Variants in ARHGAP22 observed in about 807,000 individuals in gnomAD.
The protein encoded by ARHGAP22 is rho GTPase-activating protein 22.
In ARHGAP22, 48 loss-of-function variants were observed where a neutral mutation model predicts 59.1. The observed-to-expected ratio is 0.81, with a 90% confidence interval of 0.64 to 1.03. The LOEUF is 1.03. Ranked by LOEUF, ARHGAP22 falls within the 50% of genes least tolerant of loss-of-function variation. ARHGAP22 has a pLI of 0.00. For missense variants in ARHGAP22, 1,015 were observed against 958.7 expected (o/e 1.06, Z -0.78); for synonymous variants, 445 against 416.4 (o/e 1.07, Z -0.84).
chr10:48,478,834 C>T (rs2048987614), intron 4 of ARHGAP22, among the ~76,000 whole-genome samples: 1 of 152,196 alleles, frequency 6.6e-6, no homozygotes, highest in Non-Finnish European at 1.5e-5. Context: ...CCATCAGCTG[C>T]ATGCCCACCC....
chr10:48,494,878 C>T (rs1221093844), intron 3 of ARHGAP22, among the ~76,000 whole-genome samples: 1 of 152,226 alleles, frequency 6.6e-6, no homozygotes, highest in Non-Finnish European at 1.5e-5. Flanking sequence ...AGAAACTTTG[C>T]ATTCTCTCAG....
At chr10:48,599,061 T>C (rs1445817436) in intron 1 of ARHGAP22, among the ~76,000 whole-genome samples, 4 of 152,164 alleles carry the variant, frequency 2.6e-5, no homozygotes, top group African/African-American at 2.4e-5. Flanking sequence ...TGGGAATCTT[T>C]TGAGGATGAA....
upstream of ARHGAP22, among the ~76,000 whole-genome samples, chr10:48,654,879 C>T (rs1338163909): frequency 7.1e-6 from 1 of 141,694 alleles, no homozygotes; most frequent in Non-Finnish European, 1.5e-5. Context: ...TTCTTTCTTT[C>T]TTTCTCTTTC....
chr10:48,594,922 T>G, intron 1 of ARHGAP22, among the ~76,000 whole-genome samples: 1 of 149,656 alleles, frequency 6.7e-6, no homozygotes, highest in Non-Finnish European at 1.5e-5. Context: ...AGGGTCTCGT[T>G]AATAGATTAC....
chr10:48,603,179 A>T (rs2060484780), intron 1 of ARHGAP22, among the ~76,000 whole-genome samples: 1 of 152,240 alleles, frequency 6.6e-6, no homozygotes, highest in Admixed American at 6.5e-5. Flanking sequence ...AGTGGGGCAA[A>T]TTGCTCCTGG....
chr10:48,605,413 G>A (rs1056827117), upstream of ARHGAP22, among the ~76,000 whole-genome samples: 2 of 150,910 alleles, frequency 1.3e-5, no homozygotes, highest in Admixed American at 6.8e-5. Flanking sequence ...GGTGTGTCTG[G>A]GAAGGAGCAA....
chr10:48,460,840 T>C (rs967176381), intron 4 of ARHGAP22, among the ~76,000 whole-genome samples: 2 of 152,172 alleles, frequency 1.3e-5, no homozygotes, highest in African/African-American at 4.8e-5. Context: ...AGTGATAAAA[T>C]ATGGGTGAAC....
At chr10:48,612,778 T>C (rs1343332192) in intron 1 of ARHGAP22, among the ~76,000 whole-genome samples, 2 of 152,184 alleles carry the variant, frequency 1.3e-5, no homozygotes, top group African/African-American at 2.4e-5. Flanking sequence ...TCTGCCATGT[T>C]CCCCATTCCT....
chr10:48,431,665 C>T, the ARHGAP22 span, among the ~76,000 whole-genome samples: 1 of 152,156 alleles, frequency 6.6e-6, no homozygotes, highest in Non-Finnish European at 1.5e-5. Flanking sequence ...CTGTCTTTCT[C>T]TTTTTGATAT....
At chr10:48,461,580 T>C (rs2047138548) in intron 4 of ARHGAP22, among the ~76,000 whole-genome samples, 1 of 152,190 alleles carries the variant, frequency 6.6e-6, no homozygotes, top group Non-Finnish European at 1.5e-5. Context: ...AGAAAATCTA[T>C]GAAAACTAAA....
At chr10:48,577,081 T>A (rs1040055965) in intron 2 of ARHGAP22, among the ~76,000 whole-genome samples, 1 of 152,152 alleles carries the variant, frequency 6.6e-6, no homozygotes, top group East Asian at 1.9e-4. Flanking sequence ...CTAAAACTCC[T>A]TCTATTCGGA....
At chr10:48,571,347 G>A (rs2058381110) in intron 2 of ARHGAP22, among the ~76,000 whole-genome samples, 1 of 152,182 alleles carries the variant, frequency 6.6e-6, no homozygotes, top group Non-Finnish European at 1.5e-5. Context: ...CTGCCCCTTA[G>A]CAAGATTTCT....
chr10:48,655,019 TTTCTTTCTTTCA>T (rs753121661), upstream of ARHGAP22, among the ~76,000 whole-genome samples: 3,636 of 70,582 alleles, frequency 0.052, 662 homozygotes, highest in Non-Finnish European at 0.08. Context: ...TCTTTCTTTC[TTTCTTTCTTTCA>T]TTCTTTCTTT....
upstream of ARHGAP22, chr10:48,605,084 G>GGGGCAGTCCCTCCGCC: frequency 7.5e-7 from 1 of 1,335,644 alleles, no homozygotes; most frequent in Non-Finnish European, 9.6e-7. Context: ...GGACCAGGGC[G>GGGGCAGTCCCTCCGCC]GGGCAGTCCC....
intron 1 of ARHGAP22, among the ~76,000 whole-genome samples, chr10:48,616,915 C>T (rs2061102121): frequency 1.3e-5 from 2 of 151,858 alleles, no homozygotes; most frequent in African/African-American, 4.8e-5. Flanking sequence ...TTAAGATGAC[C>T]ATATAGGCAA....
intron 3 of ARHGAP22, among the ~76,000 whole-genome samples, chr10:48,535,867 C>A (rs2055300841): frequency 6.6e-6 from 1 of 152,194 alleles, no homozygotes; most frequent in East Asian, 1.9e-4. Flanking sequence ...TGGCACATGG[C>A]AAATGCCCGA....
At chr10:48,565,016 T>C (rs1384040946) in intron 2 of ARHGAP22, among the ~76,000 whole-genome samples, 7 of 152,250 alleles carry the variant, frequency 4.6e-5, no homozygotes, top group Non-Finnish European at 7.3e-5. Flanking sequence ...CAATGATTTC[T>C]ACTGACATGT....
chr10:48,555,264 T>C (rs1263277311), intron 3 of ARHGAP22, among the ~76,000 whole-genome samples, 199 bp downstream of exon 3: 1 of 152,258 alleles, frequency 6.6e-6, no homozygotes, highest in Non-Finnish European at 1.5e-5. Context: ...CAAAAGCTCA[T>C]TGTCCAGATA....
At chr10:48,527,053 A>G (rs11101371) in intron 3 of ARHGAP22, among the ~76,000 whole-genome samples, 29,212 of 152,184 alleles carry the variant, frequency 0.19, 2,919 homozygotes, top group East Asian at 0.33. Flanking sequence ...AGTTAACCAC[A>G]GGACAACCGC....
Sources: gnomAD v4.1 joint callset for allele counts (sites outside exome capture counted in the v4.1 genomes callset) on GRCh38, gnomAD v4.1.1 for gene constraint, MANE v1.5 for transcripts, NCBI Gene and HGNC (gene_info 2026-07-23, HGNC 2026-07-21) for gene names.